PRDM16: variants seen among roughly 807,000 people sequenced by gnomAD.
PRDM16 encodes histone-lysine N-methyltransferase PRDM16.
Under a neutral mutation model 110.6 loss-of-function variants are expected in PRDM16, and 23 were observed. The ratio of observed to expected loss-of-function variants is 0.21; its 90% CI spans 0.15 to 0.29. The LOEUF (loss-of-function observed/expected upper bound fraction) is 0.29, where lower values mean the gene tolerates loss of function less well. PRDM16 is among the 10% of genes least tolerant of loss of function. The probability of loss-of-function intolerance (pLI) is 1.00; values close to 1 mark genes in which losing one functional copy is unlikely to be tolerated. For missense variants in PRDM16, 1,615 were observed against 1,794.3 expected, an observed-to-expected ratio of 0.90 and a Z score of 1.81; for synonymous variants, 799 against 781.8, an observed-to-expected ratio of 1.02 and a Z score of -0.37.
chr1:3,160,828 A>G (rs1643891569), intron 1 of PRDM16, among the ~76,000 whole-genome samples: 1 of 152,200 alleles, frequency 6.6e-6, no homozygotes, highest in South Asian at 2.1e-4. Context: ...CAGACAGGGT[A>G]GCTGGGCTCA....
intron 3 of PRDM16, among the ~76,000 whole-genome samples, chr1:3,380,535 C>A (rs1239960725): frequency 6.6e-6 from 1 of 152,108 alleles, no homozygotes; most frequent in East Asian, 1.9e-4. Flanking sequence ...GGGACCAGGA[C>A]CCCTGGGGGA....
At chr1:3,230,018 G>T (rs1181472472) in intron 2 of PRDM16, among the ~76,000 whole-genome samples, 1 of 152,230 alleles carries the variant, frequency 6.6e-6, no homozygotes, top group Non-Finnish European at 1.5e-5. Flanking sequence ...TGAACACTCT[G>T]TGCACTTCGG....
chr1:3,326,611 C>A (rs984966406), intron 3 of PRDM16, among the ~76,000 whole-genome samples: 1 of 152,168 alleles, frequency 6.6e-6, no homozygotes. Flanking sequence ...CGCACCCAGC[C>A]CTATGCCCAT....
In PRDM16 at chr1:3,434,820, A is replaced by T. The variant is rs963092138; in HGVS notation, c.*1009A>T. 2 of 231,668 alleles carry T rather than the reference A, an allele frequency of 8.6e-6. No homozygotes were observed. Among genetic ancestry groups the T allele is most frequent in the African/African-American group, 4.4e-5 (2 of 45,270 alleles). 14.4% of individuals were successfully genotyped at this position (231,668 alleles called of 1,614,324 possible). ...CCTGCCTCGGCCACCCCACGCGGGAACCCAGCGCCGTCCTCTGAAGGCAGG... is the reference window on the plus strand; with the variant it reads ...CCTGCCTCGGCCACCCCACGCGGGATCCCAGCGCCGTCCTCTGAAGGCAGG... On this transcript the variant is annotated 3_prime_UTR_variant, in exon 17 of 17. Transcript: ENST00000270722.
chr1:3,116,592 C>T (rs1232356309), intron 1 of PRDM16, among the ~76,000 whole-genome samples: 2 of 152,164 alleles, frequency 1.3e-5, no homozygotes, highest in Non-Finnish European at 2.9e-5. Context: ...TCTCCCCGCC[C>T]GGGACAGAGG....
chr1:3,189,832 G>C (rs970682701), intron 2 of PRDM16, among the ~76,000 whole-genome samples: 1 of 152,164 alleles, frequency 6.6e-6, no homozygotes, highest in African/African-American at 2.4e-5. Flanking sequence ...AACAGGGTGC[G>C]CGTCTCTTGA....
chr1:3,302,553 A>G (rs1303480049), intron 3 of PRDM16, among the ~76,000 whole-genome samples: 1 of 152,152 alleles, frequency 6.6e-6, no homozygotes, highest in Non-Finnish European at 1.5e-5. Flanking sequence ...GAGAAGCTCA[A>G]TGAAATGAGG....
intron 3 of PRDM16, among the ~76,000 whole-genome samples, chr1:3,316,645 G>A (rs1014798143): frequency 8.5e-5 from 12 of 141,798 alleles, no homozygotes; most frequent in Admixed American, 4.7e-4. Context: ...GCAGAAAACA[G>A]TGACACAGTG....
rs372004034 is a variant in PRDM16, at chr1:3,414,625, C to T, written c.2669C>T (p.Ser890Phe). The T allele has an allele frequency of 3.1e-6, 5 of 1,613,144 alleles. No individual in the cohort carries two copies. Among genetic ancestry groups the T allele is most frequent in the Admixed American group, 3.3e-5 (2 of 59,966 alleles). The change falls in exon 10 of 17, where the codon TCC (serine) becomes TTC (phenylalanine). Residue 890 changes from serine (S) to phenylalanine (F), a missense_variant. Ser to Phe is a radical substitution (Grantham distance 155). Coordinates refer to ENST00000270722, the MANE Select transcript of PRDM16 (RefSeq NM_022114.4). ...CTGAAGGAGAAGTACCTGCGGCCGTCCCCGCTGCTCTTCCACCCCCAGGTA... is the reference window on the plus strand; with the variant it reads ...CTGAAGGAGAAGTACCTGCGGCCGTTCCCGCTGCTCTTCCACCCCCAGGTA... ...GALKEKYLRP[S>F]PLLFHPQMSA...
intron 7 of PRDM16, 123 bp downstream of exon 7, chr1:3,405,009 A>C (rs1292097011): frequency 7.2e-6 from 8 of 1,107,452 alleles, no homozygotes; most frequent in Non-Finnish European, 1.0e-5. Flanking sequence ...AGTGGGTAGG[A>C]GGCCCCTGCG....
chr1:3,389,431 G>A (rs1643256261), intron 4 of PRDM16, among the ~76,000 whole-genome samples: 2 of 152,210 alleles, frequency 1.3e-5, no homozygotes, highest in African/African-American at 4.8e-5. Context: ...ATGGCGTGGG[G>A]CTGAGGGGGC....
intron 2 of PRDM16, among the ~76,000 whole-genome samples, chr1:3,224,130 G>A (rs1208095229): frequency 6.6e-6 from 1 of 152,108 alleles, no homozygotes; most frequent in African/African-American, 2.4e-5. Context: ...TAACCAGAGT[G>A]GACATTTATT....
chr1:3,114,657 CACACACAA>C (rs1642914252), intron 1 of PRDM16, among the ~76,000 whole-genome samples: 5 of 152,188 alleles, frequency 3.3e-5, no homozygotes, highest in African/African-American at 1.2e-4. Context: ...CACACACGTG[CACACACAA>C]ACACACATGC....
rs561914211 is a variant in PRDM16 at position 3,329,206 on chromosome 1, G to C, written c.439-55946G>C. Among the ~76,000 whole-genome samples the C allele has an allele frequency of 3.9e-5, 6 of 152,344 alleles. No individual in the cohort carries two copies. The South Asian group carries it at 1.2e-3, about 32-fold the overall frequency. On this transcript the variant is annotated intron_variant, in intron 3 of 16. Coordinates refer to ENST00000270722, the MANE Select transcript of PRDM16 (RefSeq NM_022114.4). The stretch of plus-strand genomic sequence containing the variant: ...AGCACTGACCAGCAGCCTTGGGCCA[G>C]GCACAGCTGCCCAGCGGGCATGGTG...
chr1:3,090,955 G>A (rs1009147548), intron 1 of PRDM16, among the ~76,000 whole-genome samples: 5 of 152,306 alleles, frequency 3.3e-5, no homozygotes, highest in East Asian at 1.9e-4. Flanking sequence ...AGCCACGAAC[G>A]AGAAGCAGAC....
At chr1:3,096,536 C>T (rs1413000814) in intron 1 of PRDM16, among the ~76,000 whole-genome samples, 1 of 152,228 alleles carries the variant, frequency 6.6e-6, no homozygotes, top group Non-Finnish European at 1.5e-5. Context: ...AAAGCCTGAG[C>T]TTCCCCTCTG....
At chr1:3,270,303 G>T (rs546056724) in intron 3 of PRDM16, among the ~76,000 whole-genome samples, 54 of 150,056 alleles carry the variant, frequency 3.6e-4, no homozygotes, top group African/African-American at 1.3e-3. Context: ...GAAGAGGACA[G>T]TCCCAGAGGA....
chr1:3,312,381 T>G (rs1234797491), intron 3 of PRDM16, among the ~76,000 whole-genome samples: 1 of 152,136 alleles, frequency 6.6e-6, no homozygotes, highest in Admixed American at 6.5e-5. Context: ...CAGGCACGGG[T>G]GTGGTGGGAC....
Position 3,427,048 on chromosome 1 carries a change from C to T in PRDM16, c.3284+823C>T, listed in dbSNP as rs541512501. 7.2e-5 allele frequency among the ~76,000 whole-genome samples: 11 copies of T among 152,378 alleles called. No homozygotes were observed. The East Asian group carries it at 1.2e-3, about 16-fold the overall frequency. On this transcript the variant is annotated intron_variant, in intron 14 of 16. Transcript: ENST00000270722. ...TGGACAGTGTGTGCACATACACATGCGTGACGGACAGCCGTGTGCGTACAC... is the reference window on the plus strand; with the variant it reads ...TGGACAGTGTGTGCACATACACATGTGTGACGGACAGCCGTGTGCGTACAC...
Sources: gnomAD v4.1 joint callset for allele counts (sites outside exome capture counted in the v4.1 genomes callset) on GRCh38, gnomAD v4.1.1 for gene constraint, MANE v1.5 for transcripts, NCBI Gene and HGNC (gene_info 2026-07-23, HGNC 2026-07-21) for gene names.